Variants in DAGLB observed in about 807,000 individuals in gnomAD.
DAGLB encodes diacylglycerol lipase beta, also known as diacylglycerol lipase-beta.
In DAGLB, 66 loss-of-function variants were observed where a neutral mutation model predicts 72.1. That is an observed-to-expected ratio of 0.92 (90% CI 0.75 to 1.12). The LOEUF is 1.12. Among genes scored for constraint, DAGLB ranks in the 50% most tolerant of loss-of-function variants. DAGLB has a pLI of 0.00. For missense variants in DAGLB, 1,065 were observed against 884.9 expected (o/e 1.20, Z -2.58); for synonymous variants, 414 against 359.5 (o/e 1.15, Z -1.71).
At position 6,413,156 on chromosome 7, in the gene DAGLB, C is replaced by T. The variant is rs374456646; in HGVS notation, c.1428-122G>A. 509 of 1,035,720 alleles carry T rather than the reference C, an allele frequency of 4.9e-4. 6 individuals are homozygous for T. In the African/African-American group the frequency reaches 7.0e-3, roughly 14 times the overall value. The allele number at this position is 1,035,720 out of a possible 1,614,324, so 64.2% of individuals were successfully genotyped here. On this transcript the variant is annotated intron_variant, in intron 11 of 14. Coordinates refer to ENST00000297056, the MANE Select transcript of DAGLB (RefSeq NM_139179.4). ...CCAGGCCTCAGCTCTGTTCTCTCTT[C>T]TCTAAAGGGAGGGTAGGGGAAACGT...
At chr7:6,422,060 C>G (rs778701695) in intron 8 of DAGLB, 2 of 584,122 alleles carry the variant, frequency 3.4e-6, no homozygotes, top group East Asian at 3.5e-5. Flanking sequence ...ACACGCCCTG[C>G]GCCTTCCCCA....
At chr7:6,446,164 C>G in intron 1 of DAGLB, 60 bp from the exon 2 acceptor site, 1 of 1,522,030 alleles carries the variant, frequency 6.6e-7, no homozygotes, top group Admixed American at 2.2e-5. Flanking sequence ...CTGTGTAGAA[C>G]ATGATACAAA....
intron 5 of DAGLB, among the ~76,000 whole-genome samples, chr7:6,432,499 T>C (rs1364336217): frequency 7.2e-6 from 1 of 138,642 alleles, no homozygotes; most frequent in Non-Finnish European, 1.6e-5. Context: ...CTACTAAAAA[T>C]AAGAAAAAAA....
At chr7:6,422,899 C>CA (rs1250601594) in intron 8 of DAGLB, 1 of 152,286 alleles carries the variant, frequency 6.6e-6, no homozygotes, top group Admixed American at 6.5e-5. Flanking sequence ...AAAAAAAGAA[C>CA]ATTTAAAGAT....
At chr7:6,429,983 G>C (rs1376563173) in intron 6 of DAGLB, among the ~76,000 whole-genome samples, 1 of 151,892 alleles carries the variant, frequency 6.6e-6, no homozygotes, top group Non-Finnish European at 1.5e-5. Flanking sequence ...GGCGGAGCTT[G>C]CAGTGAGCCG....
intron 11 of DAGLB, 28 bp downstream of exon 11, chr7:6,416,599 C>G (rs762114439): frequency 6.4e-7 from 1 of 1,569,722 alleles, no homozygotes. Context: ...AAGTAGCAAG[C>G]TGTTAGAGCA....
intron 2 of DAGLB, among the ~76,000 whole-genome samples, chr7:6,439,451 A>T (rs1437002988): frequency 6.6e-6 from 1 of 152,134 alleles, no homozygotes; most frequent in Non-Finnish European, 1.5e-5. Flanking sequence ...ATCATCCATC[A>T]TCAGACACAG....
Position 6,444,739 on chromosome 7 carries a change from A to G in DAGLB, c.247+1214T>C, listed in dbSNP as rs190892661. ...AGGATGCTCAACATCATTAGTCACC[A>G]AAGAAATGTTCCTCAAAGCCATGAG... On this transcript the variant is annotated intron_variant, in intron 2 of 14. Coordinates refer to ENST00000297056, the MANE Select transcript of DAGLB (RefSeq NM_139179.4). Among the ~76,000 whole-genome samples the G allele has an allele frequency of 3.3e-3, 502 of 152,272 alleles. 5 individuals carry two copies. The highest frequency in any genetic ancestry group is 5.6e-3 in the Non-Finnish European group (380 of 68,026).
chr7:6,435,940 T>G (rs1335711506), intron 3 of DAGLB, among the ~76,000 whole-genome samples: 4 of 152,198 alleles, frequency 2.6e-5, no homozygotes, highest in African/African-American at 9.6e-5. Context: ...AAAACCTTAT[T>G]GTTCTAGAAT....
intron 4 of DAGLB, among the ~76,000 whole-genome samples, chr7:6,434,140 G>C (rs1057118783): frequency 7.2e-5 from 11 of 152,088 alleles, no homozygotes; most frequent in South Asian, 2.1e-4. Flanking sequence ...AGGTGTGCAG[G>C]ATAAGCAGAG....
At chr7:6,433,754 C>T (rs1268153454) in intron 4 of DAGLB, among the ~76,000 whole-genome samples, 3 of 151,606 alleles carry the variant, frequency 2.0e-5, no homozygotes, top group African/African-American at 7.3e-5. Context: ...CTACTCAGTA[C>T]GCTGAGGCAG....
chr7:6,430,250 C>CGCATATATAT (rs1554267534), intron 6 of DAGLB, among the ~76,000 whole-genome samples: 1 of 45,738 alleles, frequency 2.2e-5, no homozygotes, highest in African/African-American at 1.0e-4. Flanking sequence ...AATACATGTG[C>CGCATATATAT]ATATATATAT....
chr7:6,446,746 C>A (rs374105320), intron 1 of DAGLB, among the ~76,000 whole-genome samples: 20 of 151,514 alleles, frequency 1.3e-4, no homozygotes, highest in Non-Finnish European at 2.5e-4. Context: ...CGGCGGCTCA[C>A]GTCTGTAATC....
At chr7:6,437,148 C>T (rs868300809) in intron 2 of DAGLB, among the ~76,000 whole-genome samples, 3 of 120,088 alleles carry the variant, frequency 2.5e-5, no homozygotes, top group African/African-American at 9.2e-5. Flanking sequence ...AGCAAGACTC[C>T]GTCTCAAAAT....
chr7:6,419,871 G>C (rs908747298), intron 9 of DAGLB, among the ~76,000 whole-genome samples: 1 of 152,226 alleles, frequency 6.6e-6, no homozygotes, highest in Non-Finnish European at 1.5e-5. Context: ...GCCAGGCGTG[G>C]TGGCTCACGC....
rs757677803 is a variant in DAGLB, at chr7:6,410,003, G to C, written c.1853C>G (p.Ala618Gly). 1.2e-5 allele frequency: 19 copies of C among 1,613,952 alleles called. No individual in the cohort carries two copies. The highest frequency in any genetic ancestry group is 1.3e-5 in the African/African-American group (1 of 74,934). ...FGCCSAAHYS[A>G]KWSHEAEFSK... ...GAATTCCGCTTCGTGTGACCACTTG[G>C]CGCTATAGTGAGCAGCAGAGCAGCA... Residue 618 changes from alanine (A) to glycine (G), a missense_variant, in exon 15 of 15, where the codon GCC (alanine) becomes GGC (glycine). By Grantham distance (60) the Ala-to-Gly change is moderately conservative (BLOSUM62 0). Coordinates refer to ENST00000297056, the MANE Select transcript of DAGLB (RefSeq NM_139179.4).
Position 6,447,942 on chromosome 7 carries a change from C to G in DAGLB, c.-100G>C, listed in dbSNP as rs1261786345. The G allele has an allele frequency of 3.4e-6, 5 of 1,459,208 alleles. No individual in the cohort carries two copies. Among genetic ancestry groups the G allele is most frequent in the Non-Finnish European group, 4.5e-6 (5 of 1,108,722 alleles). The allele number at this position is 1,459,208 out of a possible 1,614,324, so 90.4% of individuals were successfully genotyped here. A position where few individuals can be genotyped will look rare whatever the true frequency, so the allele number is the denominator to read the frequency against. On this transcript the variant is annotated 5_prime_UTR_variant, in exon 1 of 15. Transcript: ENST00000297056. ...ACGCCGCCACCAAATTATCGGCGCT[C>G]AAGCGCAAACGCAGCGAGGGCGGGG...
chr7:6,415,552 T>C (rs1484416305), intron 11 of DAGLB, among the ~76,000 whole-genome samples: 2 of 150,824 alleles, frequency 1.3e-5, no homozygotes, highest in African/African-American at 4.9e-5. Flanking sequence ...AAATATAAAC[T>C]TTTCAGCCAG....
chr7:6,413,109 G>T, intron 11 of DAGLB, 75 bp from the exon 12 acceptor site: 1 of 1,492,746 alleles, frequency 6.7e-7, no homozygotes, highest in Non-Finnish European at 9.2e-7. Context: ...AAAGAAATCA[G>T]TAACACTGAG....
Sources: gnomAD v4.1 joint callset for allele counts (sites outside exome capture counted in the v4.1 genomes callset) on GRCh38, gnomAD v4.1.1 for gene constraint, MANE v1.5 for transcripts, NCBI Gene and HGNC (gene_info 2026-07-23, HGNC 2026-07-21) for gene names.